Variants in CPSF6 observed in about 807,000 individuals in gnomAD.
CPSF6 encodes the protein cleavage and polyadenylation specificity factor subunit 6.
In CPSF6, 10 loss-of-function variants were observed where a neutral mutation model predicts 56.7. The observed-to-expected ratio is 0.18, with a 90% CI of 0.11 to 0.30. The LOEUF (loss-of-function observed/expected upper bound fraction) is 0.30, where lower values mean the gene tolerates loss of function less well. Ranked by LOEUF, CPSF6 falls within the 10% of genes least tolerant of loss-of-function variation. CPSF6 has a pLI of 1.00. For synonymous variants in CPSF6, 248 were observed against 244.8 expected (o/e 1.01, Z -0.12); for missense variants, 419 against 722.9 (o/e 0.58, Z 4.82).
rs1326693222 is a variant in CPSF6 at position 69,249,162 on chromosome 12, G to C, written c.61-1967G>C. ...GTAGTCCCAGCTACTCGGGGGGGGG[G>C]GGGGGGGCTGAGGCAGGAGAATGGC... On this transcript the variant is annotated intron_variant, in intron 1 of 9. Transcript: ENST00000435070. Among the ~76,000 whole-genome samples the C allele has an allele frequency of 6.9e-5, 5 of 72,536 alleles. 1 individual carries two copies. The East Asian group carries it at 4.1e-3, about 60-fold the overall frequency. The allele number at this position is 72,536 out of a possible 152,430, so 47.6% of individuals were successfully genotyped here.
chr12:69,248,440 G>C (rs950688048), intron 1 of CPSF6, among the ~76,000 whole-genome samples: 1 of 152,166 alleles, frequency 6.6e-6, no homozygotes, highest in Non-Finnish European at 1.5e-5. Context: ...CGGATTGCAA[G>C]AGAGTTTAAA....
chr12:69,242,442 T>G (rs1230741755), intron 1 of CPSF6, among the ~76,000 whole-genome samples: 2 of 152,220 alleles, frequency 1.3e-5, no homozygotes, highest in African/African-American at 2.4e-5. Flanking sequence ...TCAACAGTCT[T>G]AGCAGAAACT....
intron 8 of CPSF6, 72 bp from the exon 9 acceptor site, chr12:69,262,301 G>C: frequency 1.4e-6 from 2 of 1,428,052 alleles, no homozygotes; most frequent in Non-Finnish European, 1.8e-6. Flanking sequence ...AGTTTTTTTA[G>C]ACATCAAAAA....
At chr12:69,252,907 T>C (rs2120516265) in intron 2 of CPSF6, 144 bp from the exon 3 acceptor site, 1 of 499,880 alleles carries the variant, frequency 2.0e-6, no homozygotes, top group Admixed American at 4.0e-5. Context: ...AAAATTGGAG[T>C]CTGACTGGCC....
At chr12:69,256,550 T>A in intron 3 of CPSF6, 147 bp from the exon 4 acceptor site, 1 of 740,402 alleles carries the variant, frequency 1.4e-6, no homozygotes, top group Non-Finnish European at 2.1e-6. Context: ...TGCCTCAACC[T>A]TCTAAGCAGC....
intron 8 of CPSF6, 129 bp from the exon 9 acceptor site, chr12:69,262,244 C>G (rs1054148344): frequency 8.6e-7 from 1 of 1,159,154 alleles, no homozygotes; most frequent in South Asian, 2.3e-5. Flanking sequence ...ATTGGCAGCT[C>G]AGGATAGTAA....
In CPSF6 at chr12:69,253,010, G is replaced by C. The variant is rs1872324540; in HGVS notation, c.271-41G>C. On this transcript the variant is annotated intron_variant, in intron 2 of 9. Coordinates refer to ENST00000435070, the MANE Select transcript of CPSF6 (RefSeq NM_007007.3). Reference sequence around the variant, plus strand: ...CTAGACTGGGATAATAAAAATCTTGGTTTTATTTTAATGGTTAATGAGGGG... The same window carrying C: ...CTAGACTGGGATAATAAAAATCTTGCTTTTATTTTAATGGTTAATGAGGGG... 3.4e-6 allele frequency: 4 copies of C among 1,178,164 alleles called. No individual in the cohort carries two copies. In the Admixed American group the frequency reaches 1.0e-4, roughly 30 times the overall value. 73.0% of individuals were successfully genotyped at this position (1,178,164 alleles called of 1,614,324 possible).
At chr12:69,245,258 T>C (rs756265567) in intron 1 of CPSF6, among the ~76,000 whole-genome samples, 1 of 152,104 alleles carries the variant, frequency 6.6e-6, no homozygotes, top group Non-Finnish European at 1.5e-5. Flanking sequence ...ACACCAGCAT[T>C]ACGAGCCCAA....
chr12:69,260,082 A>G lies in CPSF6; in HGVS notation c.1354A>G (p.Ile452Val), dbSNP rs769575481. ...GSAIETLVTA[I>V]SLIKQSKVSA... ...TGCTATTGAGACACTGGTAACTGCA[A>G]TTTCTTTAATTAAACAATCCAAAGT... Residue 452 changes from isoleucine to valine, a missense_variant, in exon 8 of 10, where the codon ATT (isoleucine) becomes GTT (valine). This residue lies in a region of CPSF6 where 81 missense variants were observed against 193.6 expected (regional missense o/e 0.42). Transcript: ENST00000435070. 2 of 1,613,330 alleles carry G rather than the reference A, an allele frequency of 1.2e-6. No homozygotes were observed. The highest frequency in any genetic ancestry group is 1.7e-6 in the Non-Finnish European group (2 of 1,179,632).
chr12:69,263,346 T>G (rs1436077866), intron 9 of CPSF6, among the ~76,000 whole-genome samples: 1 of 152,114 alleles, frequency 6.6e-6, no homozygotes, highest in South Asian at 2.1e-4. Flanking sequence ...TTTAAAACTT[T>G]CTTGTGTACA....
chr12:69,265,551 T>C (rs1360320082), intron 9 of CPSF6, among the ~76,000 whole-genome samples: 2 of 151,984 alleles, frequency 1.3e-5, no homozygotes, highest in Non-Finnish European at 2.9e-5. Context: ...TTTTTAAGCA[T>C]TGGGTATGGG....
chr12:69,263,083 C>T (rs1376009351), intron 9 of CPSF6, among the ~76,000 whole-genome samples: 4 of 89,262 alleles, frequency 4.5e-5, no homozygotes, highest in Non-Finnish European at 8.7e-5. Context: ...GAGAATTTTC[C>T]TTTAAAAAAA....
intron 1 of CPSF6, among the ~76,000 whole-genome samples, chr12:69,242,282 A>G (rs963160180): frequency 6.6e-6 from 1 of 151,970 alleles, no homozygotes; most frequent in Non-Finnish European, 1.5e-5. Flanking sequence ...GATAGTCTTT[A>G]TTTCCATTTT....
In CPSF6 at chr12:69,239,577, C is replaced by CGCT. The variant is rs906413382; in HGVS notation, c.-61_-59dup. ...AGCGCCCCCCCACCGCCGCTAGATC[C>CGCT]GCTGCTGCTGCCGCGGCGGGCAGAC... is the stretch of plus-strand genomic sequence containing the variant. On this transcript the variant is annotated 5_prime_UTR_variant, in exon 1 of 10. Transcript: ENST00000435070. 1.1e-5 allele frequency: 16 copies of CGCT among 1,512,130 alleles called. No homozygotes were observed. The highest frequency in any genetic ancestry group is 2.9e-5 in the African/African-American group (2 of 68,982). 93.7% of individuals were successfully genotyped at this position (1,512,130 alleles called of 1,614,324 possible).
chr12:69,250,941 C>T (rs927931777), intron 1 of CPSF6, among the ~76,000 whole-genome samples, 188 bp from the exon 2 acceptor site: 15 of 152,154 alleles, frequency 9.9e-5, no homozygotes, highest in African/African-American at 3.4e-4. Flanking sequence ...CCACCACTCC[C>T]GGCAAGAAAT....
rs552846143 is a variant in CPSF6 at position 69,247,766 on chromosome 12, G to A, written c.61-3363G>A. Among the ~76,000 whole-genome samples, 111 of 151,920 alleles carry A rather than the reference G, an allele frequency of 7.3e-4. 1 individual carries two copies. The highest frequency in any genetic ancestry group is 3.4e-3 in the Middle Eastern group (1 of 292). ...CAGTATGTTCTGTATTTTTTTTTACGCTGGAGGATTGATGTGATATGAAGC... is the reference window on the plus strand; with the variant it reads ...CAGTATGTTCTGTATTTTTTTTTACACTGGAGGATTGATGTGATATGAAGC... On this transcript the variant is annotated intron_variant, in intron 1 of 9. Transcript: ENST00000435070.
chr12:69,242,414 T>C (rs1435876214), intron 1 of CPSF6, among the ~76,000 whole-genome samples: 1 of 152,192 alleles, frequency 6.6e-6, no homozygotes, highest in Non-Finnish European at 1.5e-5. Flanking sequence ...TCTATTGAAG[T>C]AGAAAAAAGT....
At chr12:69,266,885 TAGA>T (rs1873014530) in intron 9 of CPSF6, among the ~76,000 whole-genome samples, 1 of 152,082 alleles carries the variant, frequency 6.6e-6, no homozygotes, top group African/African-American at 2.4e-5. Context: ...TGTACAGAGG[TAGA>T]AGAAAATATG....
At chr12:69,239,851 T>TGGCGCCCCCCCGCCCC in intron 1 of CPSF6, 145 bp downstream of exon 1, 1 of 649,064 alleles carries the variant, frequency 1.5e-6, no homozygotes, top group Non-Finnish European at 2.1e-6. Context: ...ACCCCTGGCG[T>TGGCGCCCCCCCGCCCC]GGCGCCCCCC....
Sources: gnomAD v4.1 joint callset for allele counts (sites outside exome capture counted in the v4.1 genomes callset) on GRCh38, gnomAD v4.1.1 for gene constraint, gnomAD v4.1.1 regional missense constraint, MANE v1.5 for transcripts, NCBI Gene and HGNC (gene_info 2026-07-23, HGNC 2026-07-21) for gene names.